The following ADAMTS3 variants were observed in gnomAD, a reference collection of about 807,000 sequenced individuals.
The protein encoded by ADAMTS3 is ADAM metallopeptidase with thrombospondin type 1 motif 3.
ADAMTS3 carries 73 observed loss-of-function variants against 129.0 expected under a neutral mutation model. The ratio of observed to expected loss-of-function variants is 0.57; its 90% CI spans 0.47 to 0.69. The LOEUF (loss-of-function observed/expected upper bound fraction) is 0.69. Ranked by LOEUF, ADAMTS3 falls within the 30% of genes least tolerant of loss-of-function variation. The probability of loss-of-function intolerance (pLI) is 0.00; values close to 1 mark genes in which losing one functional copy is unlikely to be tolerated. For missense variants in ADAMTS3, 1,457 were observed against 1,514.5 expected, an observed-to-expected ratio of 0.96 and a Z score of 0.63; for synonymous variants, 477 against 510.8, an observed-to-expected ratio of 0.93 and a Z score of 0.89.
chr4:72,429,674 C>T (rs772276031), intron 3 of ADAMTS3, among the ~76,000 whole-genome samples: 3 of 151,888 alleles, frequency 2.0e-5, no homozygotes, highest in Non-Finnish European at 4.4e-5. Flanking sequence ...GTCATTGCTC[C>T]TAAAAAGATA....
chr4:72,568,418 A>C (rs1722077387), intron 1 of ADAMTS3, among the ~76,000 whole-genome samples: 1 of 152,086 alleles, frequency 6.6e-6, no homozygotes, highest in Non-Finnish European at 1.5e-5. Flanking sequence ...GCGGTTTGTC[A>C]CTAGGAATTG....
intron 4 of ADAMTS3, among the ~76,000 whole-genome samples, chr4:72,384,072 A>G (rs946168023): frequency 4.6e-5 from 7 of 152,126 alleles, no homozygotes; most frequent in African/African-American, 1.7e-4. Flanking sequence ...AAAGTGACAC[A>G]TAAGGGTCAG....
intron 2 of ADAMTS3, among the ~76,000 whole-genome samples, chr4:72,560,578 C>T (rs906195004): frequency 6.6e-6 from 1 of 152,168 alleles, no homozygotes; most frequent in Non-Finnish European, 1.5e-5. Flanking sequence ...AGCAAACTAA[C>T]TCAGGAACAG....
chr4:72,412,381 T>C (rs1444749563), intron 4 of ADAMTS3, among the ~76,000 whole-genome samples: 4 of 152,104 alleles, frequency 2.6e-5, no homozygotes, highest in Non-Finnish European at 5.9e-5. Context: ...TTTTCAATTT[T>C]AAATTTTAAA....
rs1344123030 is a variant in ADAMTS3 at position 72,320,773 on chromosome 4, T to C, written c.1043A>G (p.Glu348Gly). 1 of 1,614,006 alleles carries C rather than the reference T, an allele frequency of 6.2e-7. No homozygotes were observed. The highest frequency in any genetic ancestry group is 1.7e-4 in the Middle Eastern group (1 of 6,060). ...TAAAAAAATTGCATGGTCATGGTGT[T>C]CAGAGTGGTTGAGATCAGATCTTTG... ...QQQRSDLNHS[E>G]HHDHAIFLTR... The change falls in exon 7 of 22, where the codon GAA (glutamate) becomes GGA (glycine). Residue 348 changes from glutamate to glycine, a missense_variant. Transcript: ENST00000286657.
In ADAMTS3 at chr4:72,281,767, A is replaced by G. The variant is rs905633772; in HGVS notation, c.*1369T>C. 1 of 152,176 alleles carries G rather than the reference A, an allele frequency of 6.6e-6. No homozygotes were observed. Among genetic ancestry groups the G allele is most frequent in the African/African-American group, 2.4e-5 (1 of 41,440 alleles). 9.4% of individuals were successfully genotyped at this position (152,176 alleles called of 1,614,324 possible). ...TTATGTCTCTCTAGTTTACCAAAAT[A>G]TGTAATTGATATTAGTGTAAATATT... On this transcript the variant is annotated 3_prime_UTR_variant, in exon 22 of 22. Transcript: ENST00000286657.
In ADAMTS3 at chr4:72,530,803, T is replaced by C. The variant is rs1197449720; in HGVS notation, c.504+17675A>G. 7.6e-4 allele frequency among the ~76,000 whole-genome samples: 40 copies of C among 52,712 alleles called. 1 individual carries two copies. Among genetic ancestry groups the C allele is most frequent in the Non-Finnish European group, 7.3e-4 (20 of 27,428 alleles). 34.6% of individuals were successfully genotyped at this position (52,712 alleles called of 152,430 possible). On this transcript the variant is annotated intron_variant, in intron 3 of 21. Transcript: ENST00000286657. ...TATATTATACATTATATATTATATA[T>C]ATTATATATTATATATTATATAGAT...
At chr4:72,461,052 A>G (rs1030166730) in intron 3 of ADAMTS3, among the ~76,000 whole-genome samples, 8 of 151,658 alleles carry the variant, frequency 5.3e-5, no homozygotes, top group Non-Finnish European at 1.0e-4. Context: ...TATGTTCTAC[A>G]TGCCAGGCAT....
Position 72,281,245 on chromosome 4 carries a change from T to C in ADAMTS3, c.*1891A>G, listed in dbSNP as rs1718333844. On this transcript the variant is annotated 3_prime_UTR_variant, in exon 22 of 22. Coordinates refer to ENST00000286657, the MANE Select transcript of ADAMTS3 (RefSeq NM_014243.3). ...AAGACTTAAGGCTTAGGGATTGTTT[T>C]ACTATCTGGAATTTGCCTAATTTGA... The C allele has an allele frequency of 6.6e-6, 1 of 152,640 alleles. No individual in the cohort carries two copies. The allele number at this position is 152,640 out of a possible 1,614,324, so 9.5% of individuals were successfully genotyped here.
rs1168464829 is a variant in ADAMTS3 at position 72,523,646 on chromosome 4, CCT to C, written c.504+24830_504+24831del. On this transcript the variant is annotated intron_variant, in intron 3 of 21. Coordinates refer to ENST00000286657, the MANE Select transcript of ADAMTS3 (RefSeq NM_014243.3). ...ATAATTGTATGACTCATCTCTATTGCCTCTGTTAATTCAAAAAATTAGTGAAC... is the reference window on the plus strand; with the variant it reads ...ATAATTGTATGACTCATCTCTATTGCCTGTTAATTCAAAAAATTAGTGAAC... Among the ~76,000 whole-genome samples the C allele has an allele frequency of 2.0e-5, 3 of 151,912 alleles. No homozygotes were observed. In the East Asian group the frequency reaches 5.8e-4, roughly 29 times the overall value.
At chr4:72,463,219 G>A (rs1432582758) in intron 3 of ADAMTS3, among the ~76,000 whole-genome samples, 1 of 152,008 alleles carries the variant, frequency 6.6e-6, no homozygotes, top group Admixed American at 6.6e-5. Context: ...GCCTAGGTGT[G>A]TATTAGGCTA....
At chr4:72,452,213 T>C (rs1441860520) in intron 3 of ADAMTS3, among the ~76,000 whole-genome samples, 2 of 151,130 alleles carry the variant, frequency 1.3e-5, no homozygotes, top group African/African-American at 4.9e-5. Context: ...CTAGAAAGTA[T>C]TGACCAGCTC....
At chr4:72,504,414 G>A (rs886334180) in intron 3 of ADAMTS3, among the ~76,000 whole-genome samples, 2 of 152,084 alleles carry the variant, frequency 1.3e-5, no homozygotes, top group Non-Finnish European at 2.9e-5. Context: ...CTTCTGGCTC[G>A]TAAGGTTTCT....
intron 4 of ADAMTS3, among the ~76,000 whole-genome samples, chr4:72,361,123 C>T (rs1343291149): frequency 4.0e-5 from 6 of 151,810 alleles, no homozygotes; most frequent in Non-Finnish European, 7.4e-5. Context: ...CAGAGCAACC[C>T]TCTTTTAAGA....
At chr4:72,292,602 A>G (rs763722738) in intron 19 of ADAMTS3, among the ~76,000 whole-genome samples, 7 of 152,216 alleles carry the variant, frequency 4.6e-5, no homozygotes, top group Non-Finnish European at 7.4e-5. Flanking sequence ...AGCTGTGGAT[A>G]CAACATTACA....
intron 4 of ADAMTS3, among the ~76,000 whole-genome samples, chr4:72,401,733 A>G (rs532618869): frequency 2.4e-4 from 36 of 152,096 alleles, no homozygotes; most frequent in Non-Finnish European, 4.3e-4. Flanking sequence ...TAAGAAAAAA[A>G]GTCAGAGATA....
rs530261236 is a variant in ADAMTS3 at position 72,477,494 on chromosome 4, G to C, written c.505-62523C>G. Among the ~76,000 whole-genome samples the C allele has an allele frequency of 5.3e-5, 8 of 152,066 alleles. No homozygotes were observed. The South Asian group carries it at 6.2e-4, about 12-fold the overall frequency. The stretch of plus-strand genomic sequence containing the variant: ...AATAAAGATGTTCTTTGAAACCAAC[G>C]AGAAAAAAGACACAACATACCAGAA... On this transcript the variant is annotated intron_variant, in intron 3 of 21. Transcript: ENST00000286657.
intron 3 of ADAMTS3, among the ~76,000 whole-genome samples, chr4:72,437,387 A>G (rs1305146635): frequency 2.0e-5 from 3 of 151,836 alleles, no homozygotes. Context: ...AAATATTTTC[A>G]AAGTAACTGA....
chr4:72,442,557 T>C (rs7692126), intron 3 of ADAMTS3, among the ~76,000 whole-genome samples: 98,910 of 151,520 alleles, frequency 0.65, 32,552 homozygotes, highest in South Asian at 0.8. Context: ...CACCAAGCCA[T>C]TCAAGAAGGG....
Sources: allele counts gnomAD v4.1 joint callset (sites outside exome capture counted in the v4.1 genomes callset), GRCh38; gene constraint gnomAD v4.1.1; transcripts MANE v1.5; gene names NCBI Gene and HGNC (gene_info 2026-07-23, HGNC 2026-07-21).